Variants in HSD17B3 observed in about 807,000 individuals in gnomAD.
HSD17B3 encodes the protein 17-beta-hydroxysteroid dehydrogenase type 3.
Under a neutral mutation model 41.1 loss-of-function variants are expected in HSD17B3, and 29 were observed. The observed-to-expected ratio is 0.71, with a 90% CI of 0.53 to 0.96. The LOEUF is 0.96. Ranked by LOEUF, HSD17B3 falls within the 40% of genes least tolerant of loss-of-function variation. HSD17B3 has a pLI of 0.00. For missense variants in HSD17B3, 323 were observed against 374.6 expected, an observed-to-expected ratio of 0.86 and a Z score of 1.14; for synonymous variants, 126 against 145.6, an observed-to-expected ratio of 0.87 and a Z score of 0.97.
At chr9:96,262,911 G>A (rs1267456970) in intron 2 of HSD17B3, among the ~76,000 whole-genome samples, 1 of 152,142 alleles carries the variant, frequency 6.6e-6, no homozygotes, top group Non-Finnish European at 1.5e-5. Context: ...ATCAGTAAGT[G>A]TAACTGTCAT....
intron 2 of HSD17B3, among the ~76,000 whole-genome samples, chr9:96,273,765 T>G (rs983172289): frequency 6.6e-6 from 1 of 152,064 alleles, no homozygotes; most frequent in Non-Finnish European, 1.5e-5. Flanking sequence ...GACCCCACAA[T>G]CTTTGCCAAC....
At chr9:96,244,709 G>A (rs1322837149) in intron 8 of HSD17B3, among the ~76,000 whole-genome samples, 4 of 151,748 alleles carry the variant, frequency 2.6e-5, no homozygotes, top group Non-Finnish European at 4.4e-5. Flanking sequence ...ATGTTAATTC[G>A]CTTGACTTGA....
intron 2 of HSD17B3, among the ~76,000 whole-genome samples, chr9:96,259,777 G>C (rs999764144): frequency 2.6e-5 from 4 of 151,716 alleles, no homozygotes; most frequent in African/African-American, 9.7e-5. Context: ...GCCCTCAATT[G>C]TGTTACTTAT....
intron 2 of HSD17B3, among the ~76,000 whole-genome samples, chr9:96,281,367 C>T (rs749613951): frequency 5.3e-5 from 8 of 151,982 alleles, no homozygotes; most frequent in Non-Finnish European, 1.0e-4. Context: ...CGCATTTACC[C>T]GGGTAAAGGA....
chr9:96,246,401 TG>T (rs1467360769), intron 7 of HSD17B3, 154 bp downstream of exon 7: 9 of 739,648 alleles, frequency 1.2e-5, no homozygotes, highest in Middle Eastern at 3.6e-4. Context: ...CAGAACGTTA[TG>T]TTTTTTTTCC....
intron 9 of HSD17B3, among the ~76,000 whole-genome samples, chr9:96,242,762 G>A (rs1836505489): frequency 6.6e-6 from 1 of 152,146 alleles, no homozygotes; most frequent in Admixed American, 6.6e-5. Flanking sequence ...TACCTCGGCA[G>A]CTGTGCCCCA....
intron 3 of HSD17B3, among the ~76,000 whole-genome samples, 182 bp from the exon 4 acceptor site, chr9:96,253,092 G>A (rs910074381): frequency 6.6e-6 from 1 of 152,136 alleles, no homozygotes. Context: ...GGTGAATGGT[G>A]GTTCCTACGT....
chr9:96,275,352 G>A (rs976219865), intron 2 of HSD17B3, among the ~76,000 whole-genome samples: 4 of 152,126 alleles, frequency 2.6e-5, no homozygotes, highest in African/African-American at 9.7e-5. Context: ...TGTAATGATG[G>A]TGCACAAATC....
Position 96,241,251 on chromosome 9 carries a change from T to C in HSD17B3, c.673-344A>G, listed in dbSNP as rs149365958. Among the ~76,000 whole-genome samples, 86 of 152,300 alleles carry C rather than the reference T, an allele frequency of 5.6e-4. 1 individual carries two copies. The East Asian group carries it at 0.016, about 28-fold the overall frequency. ...TTAAATTTGAAGTTCAGACAAACAATGAAAACCACTTCAGCACAATCGTAT... is the reference window on the plus strand; with the variant it reads ...TTAAATTTGAAGTTCAGACAAACAACGAAAACCACTTCAGCACAATCGTAT... On this transcript the variant is annotated intron_variant, in intron 9 of 10. Transcript: ENST00000375263.
chr9:96,268,714 C>T (rs1826129362), intron 2 of HSD17B3, among the ~76,000 whole-genome samples: 2 of 152,202 alleles, frequency 1.3e-5, no homozygotes, highest in South Asian at 2.1e-4. Flanking sequence ...TTTGGGAAGC[C>T]GAGGTGGGCA....
chr9:96,292,494 C>G (rs755480395), intron 2 of HSD17B3, among the ~76,000 whole-genome samples: 6 of 152,134 alleles, frequency 3.9e-5, no homozygotes, highest in Non-Finnish European at 8.8e-5. Flanking sequence ...ATTACAGGTG[C>G]CCACCATCAT....
At chr9:96,283,387 A>G (rs933356091) in intron 2 of HSD17B3, among the ~76,000 whole-genome samples, 9 of 152,180 alleles carry the variant, frequency 5.9e-5, no homozygotes, top group African/African-American at 2.2e-4. Flanking sequence ...TGAAAATCTT[A>G]CCTTATGGTC....
rs545889065 is a variant in HSD17B3 at position 96,265,665 on chromosome 9, T to C, written c.202-10722A>G. On this transcript the variant is annotated intron_variant, in intron 2 of 10. Coordinates refer to ENST00000375263, the MANE Select transcript of HSD17B3 (RefSeq NM_000197.2). ...GACATATATATATGATATTTATTCA[T>C]ATCAACTAAAATAGGCATTAAAGCA... is the stretch of plus-strand genomic sequence containing the variant. Among the ~76,000 whole-genome samples, 9 of 152,320 alleles carry C rather than the reference T, an allele frequency of 5.9e-5. No individual in the cohort carries two copies. The East Asian group carries it at 1.7e-3, about 29-fold the overall frequency.
chr9:96,245,885 A>G (rs1836643260), intron 7 of HSD17B3, among the ~76,000 whole-genome samples: 1 of 152,240 alleles, frequency 6.6e-6, no homozygotes, highest in Non-Finnish European at 1.5e-5. Context: ...TTCACAGTAC[A>G]GGACCTGCTC....
intron 10 of HSD17B3, among the ~76,000 whole-genome samples, chr9:96,237,074 C>G (rs1285964155): frequency 6.6e-6 from 1 of 152,226 alleles, no homozygotes; most frequent in East Asian, 1.9e-4. Context: ...GCTGAATCAA[C>G]ACAACTTCTT....
intron 2 of HSD17B3, among the ~76,000 whole-genome samples, chr9:96,293,689 C>T (rs1180505613): frequency 1.3e-5 from 2 of 151,308 alleles, no homozygotes; most frequent in African/African-American, 2.4e-5. Flanking sequence ...GACACACATC[C>T]TATTGATTCT....
At chr9:96,235,968 G>A (rs1460365056) in intron 10 of HSD17B3, among the ~76,000 whole-genome samples, 2 of 151,410 alleles carry the variant, frequency 1.3e-5, no homozygotes, top group Admixed American at 6.6e-5. Context: ...ACCATGCCTG[G>A]CTAATTTTTT....
intron 2 of HSD17B3, among the ~76,000 whole-genome samples, chr9:96,283,484 A>T (rs1308172030): frequency 1.3e-5 from 2 of 152,218 alleles, no homozygotes; most frequent in Non-Finnish European, 2.9e-5. Context: ...CAAAAGTGAC[A>T]TTTGGCTTAT....
At chr9:96,246,315 C>A in intron 7 of HSD17B3, 1 of 599,314 alleles carries the variant, frequency 1.7e-6, no homozygotes, top group South Asian at 2.0e-5. Context: ...CTGAAACTGC[C>A]GTTCTCTTCC....
Sources: allele counts gnomAD v4.1 joint callset (sites outside exome capture counted in the v4.1 genomes callset), GRCh38; gene constraint gnomAD v4.1.1; transcripts MANE v1.5; gene names NCBI Gene and HGNC (gene_info 2026-07-23, HGNC 2026-07-21).